RIT2: variants seen among roughly 807,000 people sequenced by gnomAD.
RIT2 encodes GTP-binding protein Rit2.
Under a neutral mutation model 23.7 loss-of-function variants are expected in RIT2, and 24 were observed. That is an observed-to-expected ratio of 1.01 (90% CI 0.73 to 1.43). The LOEUF (loss-of-function observed/expected upper bound fraction) is 1.43. Ranked by LOEUF, RIT2 falls within the 40% of genes most tolerant of loss-of-function variation. RIT2 has a pLI of 0.00. For synonymous variants in RIT2, 107 were observed against 91.1 expected (o/e 1.17, Z -0.99); for missense variants, 236 against 266.9 (o/e 0.88, Z 0.81).
At chr18:42,773,047 G>A (rs1021522624) in intron 4 of RIT2, among the ~76,000 whole-genome samples, 20 of 152,068 alleles carry the variant, frequency 1.3e-4, no homozygotes, top group Non-Finnish European at 2.8e-4. Context: ...TATTAAAAAG[G>A]CCTGTTTCTT....
intron 4 of RIT2, among the ~76,000 whole-genome samples, chr18:42,885,688 C>T (rs1908004516): frequency 6.6e-6 from 1 of 152,142 alleles, no homozygotes; most frequent in East Asian, 1.9e-4. Context: ...GGTGGAATAG[C>T]AGTAATATCT....
intron 1 of RIT2, among the ~76,000 whole-genome samples, chr18:43,104,078 A>G (rs1913751849): frequency 6.6e-6 from 1 of 152,254 alleles, no homozygotes; most frequent in Non-Finnish European, 1.5e-5. Flanking sequence ...TGTCATATAC[A>G]TACACAATGG....
At chr18:43,077,934 C>T (rs1913064471) in intron 1 of RIT2, among the ~76,000 whole-genome samples, 1 of 152,158 alleles carries the variant, frequency 6.6e-6, no homozygotes, top group East Asian at 1.9e-4. Context: ...GCTGACTTCT[C>T]TTCCGCTAAT....
intron 4 of RIT2, among the ~76,000 whole-genome samples, chr18:42,777,591 A>G (rs1167281079): frequency 6.6e-6 from 1 of 152,202 alleles, no homozygotes; most frequent in Admixed American, 6.5e-5. Context: ...ATGTCAAGTA[A>G]AATGGGATTT....
At chr18:42,993,389 C>T (rs1910901705) in intron 2 of RIT2, among the ~76,000 whole-genome samples, 1 of 152,168 alleles carries the variant, frequency 6.6e-6, no homozygotes, top group Non-Finnish European at 1.5e-5. Flanking sequence ...CCTAAACCAT[C>T]ATGGACACCA....
intron 3 of RIT2, among the ~76,000 whole-genome samples, chr18:42,956,342 A>G (rs1162566950): frequency 6.6e-6 from 1 of 152,162 alleles, no homozygotes; most frequent in Non-Finnish European, 1.5e-5. Context: ...TTGCTAAATA[A>G]GTCCTTTTTA....
chr18:43,059,677 T>G (rs74361358), intron 1 of RIT2, among the ~76,000 whole-genome samples: 7,045 of 152,306 alleles, frequency 0.046, 195 homozygotes, highest in South Asian at 0.12. Context: ...TTAAATTACT[T>G]TGACCACTTA....
intron 3 of RIT2, among the ~76,000 whole-genome samples, chr18:42,959,229 A>G (rs1424671620): frequency 6.6e-6 from 1 of 152,226 alleles, no homozygotes; most frequent in African/African-American, 2.4e-5. Flanking sequence ...CTTACAAAAT[A>G]ATTTGAAGTC....
intron 1 of RIT2, among the ~76,000 whole-genome samples, 191 bp downstream of exon 1, chr18:43,115,226 T>A (rs1433054374): frequency 1.3e-5 from 2 of 152,172 alleles, no homozygotes; most frequent in Non-Finnish European, 2.9e-5. Flanking sequence ...TCACTGGCTG[T>A]CTGCATTATC....
chr18:42,837,370 T>G (rs143576251), intron 4 of RIT2, among the ~76,000 whole-genome samples: 69 of 151,944 alleles, frequency 4.5e-4, no homozygotes, highest in African/African-American at 1.6e-3. Context: ...GGTTTCATCT[T>G]GTTAGCCAGG....
chr18:42,838,704 C>T (rs1411139927), intron 4 of RIT2, among the ~76,000 whole-genome samples: 1 of 152,122 alleles, frequency 6.6e-6, no homozygotes, highest in Non-Finnish European at 1.5e-5. Flanking sequence ...GACATGTTGC[C>T]TTTTTAGCCT....
chr18:43,079,308 A>G (rs11872202), intron 1 of RIT2, among the ~76,000 whole-genome samples: 13,571 of 152,188 alleles, frequency 0.089, 689 homozygotes, highest in Non-Finnish European at 0.11. Context: ...TTGGTTTTGT[A>G]CTAATAAGAC....
intron 3 of RIT2, among the ~76,000 whole-genome samples, chr18:42,950,442 A>C (rs189207338): frequency 2.0e-5 from 3 of 152,242 alleles, no homozygotes; most frequent in Non-Finnish European, 4.4e-5. Context: ...TAAGAATCCT[A>C]CAAGAAAACC....
intron 2 of RIT2, among the ~76,000 whole-genome samples, chr18:43,025,262 G>A (rs570379723): frequency 1.1e-3 from 171 of 150,366 alleles, no homozygotes; most frequent in Non-Finnish European, 2.1e-3. Flanking sequence ...GCAGCAAATA[G>A]GCAAATAGCA....
At chr18:42,994,091 C>T (rs1000000659) in intron 2 of RIT2, among the ~76,000 whole-genome samples, 8 of 152,080 alleles carry the variant, frequency 5.3e-5, no homozygotes, top group African/African-American at 1.9e-4. Context: ...ATCCTCAATA[C>T]CTCCCTCTAC....
chr18:42,822,910 G>A (rs1906192225), intron 4 of RIT2, among the ~76,000 whole-genome samples: 1 of 152,056 alleles, frequency 6.6e-6, no homozygotes, highest in Non-Finnish European at 1.5e-5. Context: ...AATAAAGTTG[G>A]CAACGAAGGC....
chr18:42,752,387 A>G (rs1913065596), intron 4 of RIT2, among the ~76,000 whole-genome samples: 1 of 152,194 alleles, frequency 6.6e-6, no homozygotes, highest in Non-Finnish European at 1.5e-5. Flanking sequence ...TTATATAGTA[A>G]CTCCTAAGAA....
At chr18:42,757,965 G>T (rs894191699) in intron 4 of RIT2, among the ~76,000 whole-genome samples, 2 of 151,176 alleles carry the variant, frequency 1.3e-5, no homozygotes, top group African/African-American at 4.9e-5. Context: ...ACTGATTCTT[G>T]TCAAGTTTGA....
chr18:42,960,991 T>C (rs997712472), intron 3 of RIT2, among the ~76,000 whole-genome samples: 1 of 152,218 alleles, frequency 6.6e-6, no homozygotes, highest in African/African-American at 2.4e-5. Flanking sequence ...TATTTATGTT[T>C]ATAATGTTCC....
Sources: gnomAD v4.1 joint callset for allele counts (sites outside exome capture counted in the v4.1 genomes callset) on GRCh38, gnomAD v4.1.1 for gene constraint, MANE v1.5 for transcripts, NCBI Gene and HGNC (gene_info 2026-07-23, HGNC 2026-07-21) for gene names.